Variants in BLVRA observed in about 807,000 individuals in gnomAD.
The protein encoded by BLVRA is BVR A.
In BLVRA, 22 loss-of-function variants were observed where a neutral mutation model predicts 32.8. The observed-to-expected ratio is 0.67, with a 90% CI of 0.48 to 0.96. The LOEUF (loss-of-function observed/expected upper bound fraction) is 0.96, where lower values mean the gene tolerates loss of function less well. Among genes scored for constraint, BLVRA ranks in the 40% least tolerant of loss-of-function variants. BLVRA has a pLI of 0.00. For missense variants in BLVRA, 323 were observed against 358.1 expected (o/e 0.90, Z 0.79); for synonymous variants, 119 against 141.3 (o/e 0.84, Z 1.12).
chr7:43,763,370 G>C (rs987426806), intron 1 of BLVRA, among the ~76,000 whole-genome samples: 1 of 152,082 alleles, frequency 6.6e-6, no homozygotes, highest in Non-Finnish European at 1.5e-5. Flanking sequence ...CTTGCCTGCC[G>C]ATCTCCTCCA....
intron 1 of BLVRA, among the ~76,000 whole-genome samples, chr7:43,760,396 G>T (rs1202206766): frequency 2.0e-5 from 3 of 152,092 alleles, no homozygotes; most frequent in Non-Finnish European, 4.4e-5. Flanking sequence ...CTATGTAGAG[G>T]CGACACTCCA....
upstream of BLVRA, among the ~76,000 whole-genome samples, chr7:43,758,416 C>G (rs552285517): frequency 6.6e-6 from 1 of 152,072 alleles, no homozygotes; most frequent in East Asian, 1.9e-4. Context: ...GCCCTCCGGT[C>G]GGCCGGCACC....
At chr7:43,783,514 C>G (rs1314490587) in intron 2 of BLVRA, among the ~76,000 whole-genome samples, 1 of 152,158 alleles carries the variant, frequency 6.6e-6, no homozygotes, top group Non-Finnish European at 1.5e-5. Flanking sequence ...ATGTAATACT[C>G]TATATCACGA....
chr7:43,774,526 G>A (rs1440068889), intron 2 of BLVRA, among the ~76,000 whole-genome samples: 1 of 152,182 alleles, frequency 6.6e-6, no homozygotes, highest in Non-Finnish European at 1.5e-5. Flanking sequence ...GTACCATGCT[G>A]TTTTGGTTAC....
At chr7:43,771,194 T>C in intron 2 of BLVRA, 24 bp downstream of exon 2, 1 of 1,612,322 alleles carries the variant, frequency 6.2e-7, no homozygotes, top group East Asian at 2.2e-5. Context: ...AAAGACCAGT[T>C]TAAGGGATGC....
At chr7:43,773,966 G>A (rs1175670786) in intron 2 of BLVRA, among the ~76,000 whole-genome samples, 8 of 151,998 alleles carry the variant, frequency 5.3e-5, no homozygotes, top group South Asian at 4.2e-4. Flanking sequence ...CATATCCTTC[G>A]CCCACTTTTT....
chr7:43,785,461 AG>A (rs1243446753), intron 2 of BLVRA, among the ~76,000 whole-genome samples: 1 of 152,182 alleles, frequency 6.6e-6, no homozygotes, highest in Non-Finnish European at 1.5e-5. Flanking sequence ...CCAGAAGAGA[AG>A]CCAGGAACTA....
At chr7:43,779,146 G>A (rs1013596253) in intron 2 of BLVRA, among the ~76,000 whole-genome samples, 30 of 152,180 alleles carry the variant, frequency 2.0e-4, no homozygotes, top group Admixed American at 6.5e-4. Context: ...GCTTGCACAC[G>A]GTGCACTGCA....
chr7:43,794,891 ATTGAG>A (rs1397375890), intron 5 of BLVRA, among the ~76,000 whole-genome samples: 4 of 152,150 alleles, frequency 2.6e-5, no homozygotes, highest in Non-Finnish European at 4.4e-5. Flanking sequence ...TTTGTATGTG[ATTGAG>A]TTAAGTTGTT....
chr7:43,805,248 A>T (rs2095802863), intron 7 of BLVRA, among the ~76,000 whole-genome samples: 1 of 150,114 alleles, frequency 6.7e-6, no homozygotes, highest in Admixed American at 6.6e-5. Context: ...TGAGGAAGCA[A>T]GATGTTGGGG....
intron 7 of BLVRA, among the ~76,000 whole-genome samples, chr7:43,804,640 G>A (rs1264791335): frequency 6.6e-6 from 1 of 152,176 alleles, no homozygotes; most frequent in African/African-American, 2.4e-5. Context: ...AGTGCAGCCA[G>A]AGTGTGAGGG....
intron 5 of BLVRA, among the ~76,000 whole-genome samples, chr7:43,797,759 C>A (rs771883741): frequency 2.0e-5 from 3 of 152,118 alleles, no homozygotes; most frequent in Non-Finnish European, 4.4e-5. Flanking sequence ...CTTTTAGTGT[C>A]CTTCATTCTG....
intron 1 of BLVRA, among the ~76,000 whole-genome samples, chr7:43,762,737 G>A (rs1179938604): frequency 5.3e-5 from 8 of 149,634 alleles, no homozygotes; most frequent in African/African-American, 9.9e-5. Flanking sequence ...TCAGCCTCCC[G>A]AGTAGCTGGG....
chr7:43,782,941 C>T (rs753132381), intron 2 of BLVRA, among the ~76,000 whole-genome samples: 3 of 151,550 alleles, frequency 2.0e-5, no homozygotes, highest in African/African-American at 7.3e-5. Context: ...TGCAGCAGGG[C>T]CAGGAGGGGT....
chr7:43,773,046 A>G (rs903498629), intron 2 of BLVRA, among the ~76,000 whole-genome samples: 5 of 152,102 alleles, frequency 3.3e-5, no homozygotes, highest in African/African-American at 1.2e-4. Flanking sequence ...CCTCTTTCTC[A>G]TCGATATTTC....
chr7:43,758,436 C>A (rs1294884358), upstream of BLVRA, among the ~76,000 whole-genome samples: 1 of 138,914 alleles, frequency 7.2e-6, no homozygotes, highest in African/African-American at 2.5e-5. Context: ...CCACCACCCA[C>A]CCCTCGCCAC....
At chr7:43,763,117 T>C (rs1473617451) in intron 1 of BLVRA, among the ~76,000 whole-genome samples, 1 of 151,992 alleles carries the variant, frequency 6.6e-6, no homozygotes, top group Non-Finnish European at 1.5e-5. Flanking sequence ...GTGGGCAGGA[T>C]TGGAGGAGCC....
intron 1 of BLVRA, among the ~76,000 whole-genome samples, chr7:43,760,711 CACTG>C: frequency 6.7e-6 from 1 of 149,346 alleles, no homozygotes; most frequent in Non-Finnish European, 1.5e-5. Flanking sequence ...AAAAAAAAAA[CACTG>C]AATATAGTGC....
At chr7:43,759,725 A>G (rs1181146721) in intron 1 of BLVRA, among the ~76,000 whole-genome samples, 18 of 152,218 alleles carry the variant, frequency 1.2e-4, no homozygotes, top group Admixed American at 1.2e-3. Flanking sequence ...TGTAATTTCT[A>G]TAGTACGATT....
Sources: gnomAD v4.1 joint callset for allele counts (sites outside exome capture counted in the v4.1 genomes callset) on GRCh38, gnomAD v4.1.1 for gene constraint, MANE v1.5 for transcripts, NCBI Gene and HGNC (gene_info 2026-07-23, HGNC 2026-07-21) for gene names.